PUS7L: variants seen among roughly 807,000 people sequenced by gnomAD.
PUS7L encodes pseudouridine synthase 7 like.
PUS7L carries 49 observed loss-of-function variants against 51.1 expected under a neutral mutation model. The ratio of observed to expected loss-of-function variants is 0.96; its 90% CI spans 0.76 to 1.22. The LOEUF (loss-of-function observed/expected upper bound fraction) is 1.22, where lower values mean the gene tolerates loss of function less well. Ranked by LOEUF, PUS7L falls within the 50% of genes most tolerant of loss-of-function variation. The pLI, the probability that PUS7L is intolerant of heterozygous loss-of-function variation, is 0.00. For synonymous variants in PUS7L, 277 were observed against 276.2 expected, an observed-to-expected ratio of 1.00 and a Z score of -0.03; for missense variants, 828 against 820.6, an observed-to-expected ratio of 1.01 and a Z score of -0.11.
In PUS7L at chr12:43,727,655, G is replaced by A. The variant is rs1944472979; in HGVS notation, c.*2721C>T. The A allele has an allele frequency of 6.6e-6, 1 of 152,122 alleles. No individual in the cohort carries two copies. The highest frequency in any genetic ancestry group is 2.4e-5 in the African/African-American group (1 of 41,422). 9.4% of individuals were successfully genotyped at this position (152,122 alleles called of 1,614,324 possible). A position where few individuals can be genotyped will look rare whatever the true frequency, so the allele number is the denominator to read the frequency against. On this transcript the variant is annotated 3_prime_UTR_variant, in exon 9 of 9. Transcript: ENST00000344862. ...TTTGAGTACACTTGGACTCTAAGAA[G>A]GGAACAATAGGCACCATGGCCTACT...
intron 7 of PUS7L, among the ~76,000 whole-genome samples, chr12:43,734,974 G>A (rs1592160736): frequency 1.3e-5 from 2 of 152,090 alleles, no homozygotes; most frequent in African/African-American, 4.8e-5. Flanking sequence ...GAATTTCCTT[G>A]CATGATTTAT....
In PUS7L at chr12:43,754,917, G is replaced by A; in HGVS notation, c.329C>T (p.Thr110Ile). The A allele has an allele frequency of 1.2e-6, 2 of 1,613,850 alleles. No homozygotes were observed. The highest frequency in any genetic ancestry group is 1.7e-6 in the Non-Finnish European group (2 of 1,179,848). ...ACATTTGGAAGTTCCATCAACGATA[G>A]TATCTTCCTTTTCTGAACCAGACTG... ...NHQSGSEKEDTIVDGTSKCEE... is the reference protein window; with the variant it reads ...NHQSGSEKEDIIVDGTSKCEE... Residue 110 changes from threonine to isoleucine, a missense_variant, in exon 2 of 9, where the codon ACT becomes ATT. Transcript: ENST00000344862.
chr12:43,755,232 G>A lies in PUS7L; in HGVS notation c.14C>T (p.Thr5Ile). The A allele has an allele frequency of 6.3e-7, 1 of 1,591,936 alleles. No homozygotes were observed. The highest frequency in any genetic ancestry group is 8.5e-7 in the Non-Finnish European group (1 of 1,169,756). MEED[T>I]DYRIRFSSLC... Reference sequence around the variant, plus strand: ...AGAACTAAACCTGATTCTATAATCTGTATCTTCTTCCATTCTTCTATAACA... The same window carrying A: ...AGAACTAAACCTGATTCTATAATCTATATCTTCTTCCATTCTTCTATAACA... The change falls in exon 2 of 9, where the codon ACA (threonine) becomes ATA (isoleucine). Residue 5 changes from threonine (T) to isoleucine (I), a missense_variant. Physicochemically the swap from Thr to Ile is moderately conservative, Grantham distance 89 (BLOSUM62 -1). Transcript: ENST00000344862.
Position 43,719,361 on chromosome 12 carries a change from G to A in PUS7L, c.*11015C>T, listed in dbSNP as rs985152106. On this transcript the variant is annotated 3_prime_UTR_variant, in exon 9 of 9. Transcript: ENST00000344862. ...AAAGCTATCAAGAAAAGTAAGAAAAGTATTATAAAAGTTGAAATAAAGCTA... is the reference window on the plus strand; with the variant it reads ...AAAGCTATCAAGAAAAGTAAGAAAAATATTATAAAAGTTGAAATAAAGCTA... The A allele has an allele frequency of 6.6e-6, 1 of 152,220 alleles. No homozygotes were observed. Among genetic ancestry groups the A allele is most frequent in the Admixed American group, 6.5e-5 (1 of 15,292 alleles). The allele number at this position is 152,220 out of a possible 1,614,324, so 9.4% of individuals were successfully genotyped here.
chr12:43,753,605 G>A (rs904293756), intron 2 of PUS7L, among the ~76,000 whole-genome samples: 3 of 152,070 alleles, frequency 2.0e-5, no homozygotes, highest in Admixed American at 1.3e-4. Context: ...AAGTAGAATT[G>A]AGGCCAATTA....
chr12:43,745,481 G>A (rs1316033231), intron 4 of PUS7L, among the ~76,000 whole-genome samples: 1 of 152,122 alleles, frequency 6.6e-6, no homozygotes, highest in Non-Finnish European at 1.5e-5. Context: ...TTCCTCCTTT[G>A]CCTGGCACTT....
At chr12:43,738,164 A>G (rs1477230666) in intron 6 of PUS7L, 146 bp downstream of exon 6, 3 of 575,668 alleles carry the variant, frequency 5.2e-6, no homozygotes, top group South Asian at 2.2e-5. Context: ...TGCCTAAGTC[A>G]TGTAATAAAA....
At chr12:43,751,165 G>A (rs1483142135) in intron 2 of PUS7L, among the ~76,000 whole-genome samples, 2 of 151,418 alleles carry the variant, frequency 1.3e-5, no homozygotes, top group African/African-American at 4.9e-5. Flanking sequence ...ATGTGGCTAG[G>A]GCTGCAGTTA....
chr12:43,751,775 T>C (rs957401709), intron 2 of PUS7L, among the ~76,000 whole-genome samples: 2 of 152,214 alleles, frequency 1.3e-5, no homozygotes, highest in Non-Finnish European at 2.9e-5. Flanking sequence ...ATTGCCACAC[T>C]GTCTTCCACA....
At chr12:43,743,120 T>G (rs1177096355) in intron 4 of PUS7L, among the ~76,000 whole-genome samples, 1 of 152,150 alleles carries the variant, frequency 6.6e-6, no homozygotes. Context: ...GAACAGTCTG[T>G]ATTCCAGGGG....
intron 7 of PUS7L, among the ~76,000 whole-genome samples, chr12:43,732,317 C>A (rs2137664967): frequency 6.6e-6 from 1 of 151,990 alleles, no homozygotes; most frequent in African/African-American, 2.4e-5. Flanking sequence ...TGTGGTGGCA[C>A]ATGCCTGTAG....
chr12:43,758,053 A>G (rs991870319), intron 1 of PUS7L, among the ~76,000 whole-genome samples: 22 of 152,226 alleles, frequency 1.4e-4, no homozygotes, highest in Non-Finnish European at 2.9e-4. Flanking sequence ...TGGAATTGTA[A>G]GATGATTCTG....
At chr12:43,740,671 T>C (rs1937855986) in intron 5 of PUS7L, among the ~76,000 whole-genome samples, 1 of 152,066 alleles carries the variant, frequency 6.6e-6, no homozygotes, top group Admixed American at 6.5e-5. Flanking sequence ...CATCACTTGG[T>C]CTTCACACAT....
chr12:43,748,747 T>C, intron 2 of PUS7L, 138 bp from the exon 3 acceptor site: 3 of 740,930 alleles, frequency 4.0e-6, no homozygotes, highest in Non-Finnish European at 6.3e-6. Flanking sequence ...TGTTTTGTGA[T>C]GGAGTGTCAC....
chr12:43,722,090 G>A lies in PUS7L; in HGVS notation c.*8286C>T, dbSNP rs1363021385. On this transcript the variant is annotated 3_prime_UTR_variant, in exon 9 of 9. Transcript: ENST00000344862. Reference sequence around the variant, plus strand: ...CAAAATCCAAACATATCTGAAATCTGAAACTTTTAGTCCCAAACATTTTAG... The same window carrying A: ...CAAAATCCAAACATATCTGAAATCTAAAACTTTTAGTCCCAAACATTTTAG... 6.6e-6 allele frequency: 1 copy of A among 152,180 alleles called. No individual in the cohort carries two copies. Among genetic ancestry groups the A allele is most frequent in the African/African-American group, 2.4e-5 (1 of 41,536 alleles). 9.4% of individuals were successfully genotyped at this position (152,180 alleles called of 1,614,324 possible).
chr12:43,758,652 T>TGGGGGGGGGGG, intron 1 of PUS7L, 78 bp downstream of exon 1: 11 of 708,184 alleles, frequency 1.6e-5, no homozygotes, highest in Non-Finnish European at 1.6e-5. Flanking sequence ...GCCAACCTCG[T>TGGGGGGGGGGG]CACCCCCCCC....
intron 7 of PUS7L, among the ~76,000 whole-genome samples, chr12:43,732,337 C>CA (rs1821671025): frequency 6.6e-6 from 1 of 151,646 alleles, no homozygotes; most frequent in South Asian, 2.1e-4. Flanking sequence ...GTGCTAGCTA[C>CA]ATAGGAGACC....
chr12:43,736,362 C>T lies in PUS7L; in HGVS notation c.1725+19G>A. 1 of 1,606,306 alleles carries T rather than the reference C, an allele frequency of 6.2e-7. No homozygotes were observed. The highest frequency in any genetic ancestry group is 8.5e-7 in the Non-Finnish European group (1 of 1,174,678). On this transcript the variant is annotated intron_variant, in intron 7 of 8. Coordinates refer to ENST00000344862, the MANE Select transcript of PUS7L (RefSeq NM_031292.5). Reference sequence around the variant, plus strand: ...GTATAGTAACTACTCTTGGAAAACTCTGATGGAATGATACTTACTTTACTA... The same window carrying T: ...GTATAGTAACTACTCTTGGAAAACTTTGATGGAATGATACTTACTTTACTA...
At chr12:43,745,884 A>G (rs1256221992) in intron 4 of PUS7L, among the ~76,000 whole-genome samples, 162 bp downstream of exon 4, 1 of 152,218 alleles carries the variant, frequency 6.6e-6, no homozygotes, top group Non-Finnish European at 1.5e-5. Flanking sequence ...AAAATAAAAT[A>G]TAAGCCAAAT....
Sources: gnomAD v4.1 joint callset for allele counts (sites outside exome capture counted in the v4.1 genomes callset) on GRCh38, gnomAD v4.1.1 for gene constraint, MANE v1.5 for transcripts, NCBI Gene and HGNC (gene_info 2026-07-23, HGNC 2026-07-21) for gene names.